Variants in KANK2 observed in about 807,000 individuals in gnomAD.
KANK2 encodes the protein KN motif and ankyrin repeat domains 2, also known as KN motif and ankyrin repeat domain-containing protein 2.
KANK2 carries 41 observed loss-of-function variants against 74.6 expected under a neutral mutation model. The ratio of observed to expected loss-of-function variants is 0.55; its 90% CI spans 0.43 to 0.71. KANK2 has a LOEUF of 0.71. KANK2 is among the 30% of genes least tolerant of loss of function. The probability of loss-of-function intolerance (pLI) is 0.00; values close to 1 mark genes in which losing one functional copy is unlikely to be tolerated. For synonymous variants in KANK2, 537 were observed against 519.0 expected, an observed-to-expected ratio of 1.03 and a Z score of -0.47; for missense variants, 1,148 against 1,196.4, an observed-to-expected ratio of 0.96 and a Z score of 0.60.
At chr19:11,190,882 C>CA (rs1342103015) in intron 4 of KANK2, among the ~76,000 whole-genome samples, 3 of 151,814 alleles carry the variant, frequency 2.0e-5, no homozygotes, top group Non-Finnish European at 2.9e-5. Context: ...AGGTGCCGGC[C>CA]ACCACGCCCG....
intron 4 of KANK2, among the ~76,000 whole-genome samples, chr19:11,179,474 T>C (rs1190949612): frequency 4.7e-5 from 7 of 149,642 alleles, no homozygotes; most frequent in African/African-American, 1.7e-4. Context: ...CCATCTCTAC[T>C]AAATATACAA....
chr19:11,188,969 T>G (rs1436888165), intron 4 of KANK2, among the ~76,000 whole-genome samples: 2 of 145,158 alleles, frequency 1.4e-5, no homozygotes, highest in Non-Finnish European at 3.0e-5. Flanking sequence ...TGGGTGGCAG[T>G]GCAAGACTCC....
intron 6 of KANK2, 93 bp downstream of exon 6, chr19:11,178,252 G>A: frequency 9.0e-7 from 1 of 1,107,876 alleles, no homozygotes; most frequent in Non-Finnish European, 1.2e-6. Context: ...AAAGCAAGGA[G>A]CTCAGAATGA....
At chr19:11,178,503 C>A in intron 5 of KANK2, 50 bp downstream of exon 5, 1 of 1,601,898 alleles carries the variant, frequency 6.2e-7, no homozygotes, top group Non-Finnish European at 8.5e-7. Context: ...AGACTCCGAA[C>A]TGGCGCCATC....
chr19:11,192,368 ACT>A (rs1165298337), intron 4 of KANK2: 2 of 200,126 alleles, frequency 1.0e-5, no homozygotes, highest in Admixed American at 1.1e-4. Flanking sequence ...TAAGACAGAG[ACT>A]CTAAGAGTTG....
chr19:11,176,624 G>C lies in KANK2; in HGVS notation c.1714C>G (p.Pro572Ala). 3.1e-6 allele frequency: 5 copies of C among 1,611,948 alleles called. No individual in the cohort carries two copies. Among genetic ancestry groups the C allele is most frequent in the Non-Finnish European group, 4.2e-6 (5 of 1,179,028 alleles). Residue 572 changes from proline (P) to alanine (A), a missense_variant, in exon 7 of 13, where the codon CCC (proline) becomes GCC (alanine). Coordinates refer to ENST00000586659, the MANE Select transcript of KANK2 (RefSeq NM_001136191.3). ...GATCCTGATGCCCCCTCAGCAGTGGGTATGTGCTGAGATTCTCGAGACAGC... is the reference window on the plus strand; with the variant it reads ...GATCCTGATGCCCCCTCAGCAGTGGCTATGTGCTGAGATTCTCGAGACAGC... Reference protein sequence around the residue: ...CQLSRESQHIPTAEGASGSNT... With the variant: ...CQLSRESQHIATAEGASGSNT...
chr19:11,170,225 C>T lies in KANK2; in HGVS notation c.2235G>A (p.Leu745=). The change falls in exon 11 of 13, where the codon CTG becomes CTA. Residue 745 remains leucine (L), a synonymous_variant. Coordinates refer to ENST00000586659, the MANE Select transcript of KANK2 (RefSeq NM_001136191.3). The surrounding 1 kb of genome is among the most constrained non-coding windows in gnomAD (Gnocchi z 5.2). ...ASQAGQTALM[L]AVSHGRVDVV... is the part of the protein sequence containing the mutation. ...CGTCCACCCGCCCGTGGCTGACGGC[C>T]AGCATCAGGGCCGTCTGTCCTGCCT... 6.2e-7 allele frequency: 1 copy of T among 1,610,498 alleles called. No homozygotes were observed. Among genetic ancestry groups the T allele is most frequent in the South Asian group, 1.1e-5 (1 of 91,080 alleles).
chr19:11,180,131 C>T (rs181519154), intron 4 of KANK2, among the ~76,000 whole-genome samples: 5 of 152,286 alleles, frequency 3.3e-5, no homozygotes, highest in Admixed American at 1.3e-4. Context: ...GGATTACCTC[C>T]GGAGCAGCAC....
intron 4 of KANK2, among the ~76,000 whole-genome samples, chr19:11,179,306 A>T (rs376707536): frequency 2.2e-5 from 3 of 135,556 alleles, no homozygotes; most frequent in African/African-American, 8.5e-5. Context: ...ACAGAGCAAG[A>T]CCCTGCCTCT....
rs1696584948 is a variant in KANK2 at position 11,170,343 on chromosome 19, T to C, written c.2212-95A>G. 1 of 933,414 alleles carries C rather than the reference T, an allele frequency of 1.1e-6. No homozygotes were observed. The highest frequency in any genetic ancestry group is 1.6e-6 in the Non-Finnish European group (1 of 610,664). 57.8% of individuals were successfully genotyped at this position (933,414 alleles called of 1,614,324 possible). ...CTGCTGTAGCTCCCACATACTCTGA[T>C]GGTGAAATGTACCCTCAACTTGCTG... On this transcript the variant is annotated intron_variant, in intron 10 of 12. Transcript: ENST00000586659. This position sits in a 1 kb window ranked among gnomAD's most constrained non-coding sequence, Gnocchi z 5.2.
rs1409025292 is a variant in KANK2 at position 11,184,306 on chromosome 19, G to A, written c.1250-5586C>T. Among the ~76,000 whole-genome samples the A allele has an allele frequency of 2.0e-5, 3 of 150,080 alleles. No homozygotes were observed. In the Admixed American group the frequency reaches 2.0e-4, roughly 10 times the overall value. On this transcript the variant is annotated intron_variant, in intron 4 of 12. Transcript: ENST00000586659. ...CAGGAGAATTGCTTGAACCTGGGAG[G>A]CAGAGGTTGCAGTGAGCCGAGATCG... is the stretch of plus-strand genomic sequence containing the variant.
chr19:11,187,762 T>C (rs1033754388), intron 4 of KANK2, among the ~76,000 whole-genome samples: 2 of 152,202 alleles, frequency 1.3e-5, no homozygotes, highest in Admixed American at 6.5e-5. Flanking sequence ...ATTAAATATG[T>C]GCATTTTTTT....
chr19:11,176,765 C>T lies in KANK2; in HGVS notation c.1573G>A (p.Asp525Asn), dbSNP rs778714545. The T allele has an allele frequency of 6.3e-6, 10 of 1,598,926 alleles. No homozygotes were observed. The East Asian group carries it at 9.0e-5, about 14-fold the overall frequency. ...TCTGGGGCCTCGTTCTCTGTGCTGT[C>T]GTTGTCTGAGATGTTCTCTGCTGTG... ...SSTAENISDNDSTENEAPEPR... is the reference protein window; with the variant it reads ...SSTAENISDNNSTENEAPEPR... Residue 525 changes from aspartate (D) to asparagine (N), a missense_variant, in exon 7 of 13, where the codon GAC (aspartate) becomes AAC (asparagine). By Grantham distance (23) the Asp-to-Asn change is conservative (BLOSUM62 1). Coordinates refer to ENST00000586659, the MANE Select transcript of KANK2 (RefSeq NM_001136191.3).
chr19:11,189,430 C>T (rs932951586), intron 4 of KANK2, among the ~76,000 whole-genome samples: 3 of 151,278 alleles, frequency 2.0e-5, no homozygotes, highest in African/African-American at 7.3e-5. Flanking sequence ...ATGGTGAAAC[C>T]CCATCTCTAC....
At chr19:11,173,156 G>T (rs1317053391) in intron 9 of KANK2, 33 bp from the exon 10 acceptor site, 2 of 1,596,286 alleles carry the variant, frequency 1.3e-6, no homozygotes, top group Non-Finnish European at 8.6e-7. Context: ...TCAGACCAGG[G>T]ATCGCTGCTA....
Position 11,194,545 on chromosome 19 carries a change from T to C in KANK2, c.-34A>G. On this transcript the variant is annotated 5_prime_UTR_variant, in exon 3 of 13. Coordinates refer to ENST00000586659, the MANE Select transcript of KANK2 (RefSeq NM_001136191.3). Reference sequence around the variant, plus strand: ...CTACAGATGCTCCTTGGAAGTCACTTGAGGGACTGCGAGTCAGACTGCCTG... The same window carrying C: ...CTACAGATGCTCCTTGGAAGTCACTCGAGGGACTGCGAGTCAGACTGCCTG... The C allele has an allele frequency of 1.9e-6, 3 of 1,588,588 alleles. No individual in the cohort carries two copies. Among genetic ancestry groups the C allele is most frequent in the Non-Finnish European group, 2.6e-6 (3 of 1,157,726 alleles).
rs768370312 is a variant in KANK2, at chr19:11,176,789, T to G, written c.1549A>C (p.Thr517Pro). ...TCGTTGTCTGAGATGTTCTCTGCTG[T>G]GCTGGAGTCCTCGGATGACGACTCA... is the stretch of plus-strand genomic sequence containing the variant. ...GYESSSEDSS[T>P]AENISDNDST... The change falls in exon 7 of 13, where the codon ACA (threonine) becomes CCA (proline). Residue 517 changes from threonine to proline, a missense_variant. Thr to Pro is a conservative substitution (Grantham distance 38). Coordinates refer to ENST00000586659, the MANE Select transcript of KANK2 (RefSeq NM_001136191.3). The G allele has an allele frequency of 6.4e-7, 1 of 1,558,790 alleles. No individual in the cohort carries two copies. Among genetic ancestry groups the G allele is most frequent in the Non-Finnish European group, 8.7e-7 (1 of 1,149,796 alleles).
At chr19:11,179,137 G>A (rs2078437039) in intron 4 of KANK2, among the ~76,000 whole-genome samples, 1 of 151,768 alleles carries the variant, frequency 6.6e-6, no homozygotes, top group African/African-American at 2.4e-5. Flanking sequence ...CTAACATGGT[G>A]AAATCCCGTC....
At position 11,170,011 on chromosome 19, in the gene KANK2, C is replaced by G. The variant is rs1002717542; in HGVS notation, c.2412+37G>C. 2 of 1,611,784 alleles carry G rather than the reference C, an allele frequency of 1.2e-6. No individual in the cohort carries two copies. Among genetic ancestry groups the G allele is most frequent in the Admixed American group, 3.3e-5 (2 of 59,960 alleles). On this transcript the variant is annotated intron_variant, in intron 11 of 12. Transcript: ENST00000586659. This position sits in a 1 kb window ranked among gnomAD's most constrained non-coding sequence, Gnocchi z 5.2. ...ATGAATGACGTCCCCATGCTGTGCT[C>G]CCGCCCTCCCCGGGGTGCACCTGGT...
Sources: allele counts gnomAD v4.1 joint callset (sites outside exome capture counted in the v4.1 genomes callset), GRCh38; gene constraint gnomAD v4.1.1; non-coding constraint Gnocchi (gnomAD v3.1); transcripts MANE v1.5; gene names NCBI Gene and HGNC (gene_info 2026-07-23, HGNC 2026-07-21).